Variants in ARHGEF12 observed in about 807,000 individuals in gnomAD.
The protein encoded by ARHGEF12 is KMT2A/ARHGEF12 fusion protein.
A neutral mutation model predicts 211.2 loss-of-function variants in ARHGEF12; 66 were observed. That is an observed-to-expected ratio of 0.31 (90% CI 0.26 to 0.38). The LOEUF is 0.38. Ranked by LOEUF, ARHGEF12 falls within the 10% of genes least tolerant of loss-of-function variation. The probability of loss-of-function intolerance (pLI) is 1.00; values close to 1 mark genes in which losing one functional copy is unlikely to be tolerated. For missense variants in ARHGEF12, 1,429 were observed against 1,869.5 expected (o/e 0.76, Z 4.34); for synonymous variants, 592 against 638.4 (o/e 0.93, Z 1.09).
chr11:120,408,095 G>A (rs1042161417), intron 3 of ARHGEF12: 5 of 285,338 alleles, frequency 1.8e-5, no homozygotes, highest in African/African-American at 1.1e-4. Context: ...ATAATAATTG[G>A]AGATTTGGTC....
At chr11:120,373,925 A>G (rs367802697) in intron 1 of ARHGEF12, among the ~76,000 whole-genome samples, 1 of 152,140 alleles carries the variant, frequency 6.6e-6, no homozygotes, top group Admixed American at 6.5e-5. Context: ...CCCCTGCCTC[A>G]GCTTCCTGAG....
chr11:120,467,152 C>A, intron 28 of ARHGEF12, 42 bp from the exon 29 acceptor site: 2 of 1,298,632 alleles, frequency 1.5e-6, no homozygotes, highest in South Asian at 2.4e-5. Flanking sequence ...TGTATAAGTT[C>A]AAATAAGAAT....
chr11:120,441,825 A>G lies in ARHGEF12; in HGVS notation c.1203+8A>G. On this transcript the variant is annotated splice_region_variant and intron_variant, in intron 14 of 40. Transcript: ENST00000397843. ...TTTGACCCTGCGACTTTGGTAATAT[A>G]TTTTACAATCTAGCAGATTCAGAGT... 6.2e-7 allele frequency: 1 copy of G among 1,609,920 alleles called. No individual in the cohort carries two copies. The highest frequency in any genetic ancestry group is 8.5e-7 in the Non-Finnish European group (1 of 1,176,486).
chr11:120,431,791 C>T lies in ARHGEF12; in HGVS notation c.804C>T (p.Pro268=). The T allele has an allele frequency of 6.2e-7, 1 of 1,612,060 alleles. No homozygotes were observed. Among genetic ancestry groups the T allele is most frequent in the Non-Finnish European group, 8.5e-7 (1 of 1,179,234 alleles). Reference sequence around the variant, plus strand: ...TTTAGGATGGAGCTGTAGTTACACCCTCCAGACCTTTAGGGGACACCCTAA... The same window carrying T: ...TTTAGGATGGAGCTGTAGTTACACCTTCCAGACCTTTAGGGGACACCCTAA... ...GSAQDGAVVT[P]SRPLGDTLTV... The change falls in exon 11 of 41, where the codon CCC becomes CCT. Residue 268 remains proline, a synonymous_variant. Transcript: ENST00000397843.
At position 120,429,711 on chromosome 11, in the gene ARHGEF12, G is replaced by C. The variant is rs1178605038; in HGVS notation, c.664-1G>C. 1 of 1,608,594 alleles carries C rather than the reference G, an allele frequency of 6.2e-7. No homozygotes were observed. Among genetic ancestry groups the C allele is most frequent in the African/African-American group, 1.3e-5 (1 of 74,562 alleles). ...CTGAAAATATTTTTATAACTTTTCAGTTATTGCAGGAAGATTACAACCGAA... is the reference window on the plus strand; with the variant it reads ...CTGAAAATATTTTTATAACTTTTCACTTATTGCAGGAAGATTACAACCGAA... On this transcript the variant is annotated splice_acceptor_variant, in intron 9 of 40. Transcript: ENST00000397843. LOFTEE classifies it high-confidence loss of function.
intron 1 of ARHGEF12, among the ~76,000 whole-genome samples, chr11:120,401,806 C>T (rs922561835): frequency 2.0e-5 from 3 of 152,176 alleles, no homozygotes; most frequent in Non-Finnish European, 4.4e-5. Context: ...TAAATTAAAT[C>T]TGTGGTTTCA....
intron 4 of ARHGEF12, among the ~76,000 whole-genome samples, chr11:120,416,267 AT>A (rs1465453308): frequency 2.6e-5 from 4 of 152,066 alleles, no homozygotes; most frequent in Non-Finnish European, 5.9e-5. Flanking sequence ...TTCATAAGCA[AT>A]TTTTTTAAGT....
intron 20 of ARHGEF12, 66 bp from the exon 21 acceptor site, chr11:120,449,043 A>T (rs773495001): frequency 3.0e-6 from 4 of 1,329,046 alleles, no homozygotes; most frequent in Non-Finnish European, 4.2e-6. Context: ...TTAGCATTAC[A>T]CTATGAAAAT....
intron 8 of ARHGEF12, among the ~76,000 whole-genome samples, chr11:120,428,953 G>A (rs1264955797): frequency 6.6e-6 from 1 of 152,150 alleles, no homozygotes; most frequent in Admixed American, 6.5e-5. Flanking sequence ...TCCATTCAAT[G>A]TTGTTTCTTT....
intron 20 of ARHGEF12, 176 bp downstream of exon 20, chr11:120,448,524 A>T (rs1591605442): frequency 1.7e-6 from 1 of 593,706 alleles, no homozygotes; most frequent in East Asian, 2.8e-5. Context: ...AGAAATCCAG[A>T]CATATAAACT....
intron 1 of ARHGEF12, among the ~76,000 whole-genome samples, chr11:120,349,332 T>A (rs1942863986): frequency 1.3e-5 from 2 of 152,240 alleles, no homozygotes; most frequent in African/African-American, 4.8e-5. Context: ...TATGTAATAG[T>A]AATTATATTA....
At position 120,478,247 on chromosome 11, in the gene ARHGEF12, G is replaced by A; in HGVS notation, c.3624G>A (p.Leu1208=). The A allele has an allele frequency of 6.2e-7, 1 of 1,614,154 alleles. No homozygotes were observed. Among genetic ancestry groups the A allele is most frequent in the Non-Finnish European group, 8.5e-7 (1 of 1,180,024 alleles). Residue 1208 remains leucine, a synonymous_variant, in exon 37 of 41, where the codon CTG becomes CTA. Transcript: ENST00000397843. ...CTGGGAAATCAGAGGTACGTGATCT[G>A]TTTGTGGCTGAGAGACAGTTTGCAA... ...STSGKSEVRD[L]FVAERQFAKE...
chr11:120,477,031 C>T (rs530278294), intron 34 of ARHGEF12, 188 bp from the exon 35 acceptor site: 2 of 617,550 alleles, frequency 3.2e-6, no homozygotes, highest in Non-Finnish European at 2.8e-6. Context: ...TTTGGACTCT[C>T]GCCTTAATAG....
chr11:120,439,648 T>G (rs2135773259), intron 12 of ARHGEF12: 1 of 152,624 alleles, frequency 6.6e-6, no homozygotes, highest in Non-Finnish European at 1.5e-5. Context: ...CTCAGGTATA[T>G]TAGCCTCTCT....
rs746094838 is a variant in ARHGEF12, at chr11:120,479,910, G to A, written c.3767-50G>A. 12 of 1,498,652 alleles carry A rather than the reference G, an allele frequency of 8.0e-6. No homozygotes were observed. The South Asian group carries it at 1.2e-4, about 15-fold the overall frequency. The allele number at this position is 1,498,652 out of a possible 1,614,324, so 92.8% of individuals were successfully genotyped here. ...GCTAATTTAATTCTTGCAGCCTGAG[G>A]TTATAGTTGTGAATATGTTTTTTTT... On this transcript the variant is annotated intron_variant, in intron 37 of 40. Transcript: ENST00000397843.
intron 4 of ARHGEF12, chr11:120,410,776 G>A (rs1944859899): frequency 6.6e-6 from 1 of 152,142 alleles, no homozygotes; most frequent in South Asian, 2.1e-4. Context: ...GACACATCAA[G>A]TTTACGCTTT....
chr11:120,384,895 T>G (rs1348099808), intron 1 of ARHGEF12, among the ~76,000 whole-genome samples: 2 of 142,678 alleles, frequency 1.4e-5, no homozygotes, highest in Admixed American at 7.0e-5. Flanking sequence ...TTTTTTTTTT[T>G]GTAAATCCTA....
chr11:120,431,091 A>C (rs1945513384), intron 10 of ARHGEF12, among the ~76,000 whole-genome samples: 1 of 152,040 alleles, frequency 6.6e-6, no homozygotes, highest in Non-Finnish European at 1.5e-5. Flanking sequence ...GGAGTTTGAG[A>C]CCATCCTGGC....
At chr11:120,432,094 G>A (rs753667202) in intron 11 of ARHGEF12, among the ~76,000 whole-genome samples, 183 bp downstream of exon 11, 15 of 152,130 alleles carry the variant, frequency 9.9e-5, no homozygotes, top group Admixed American at 3.9e-4. Flanking sequence ...TAATTCCAGA[G>A]TTCACTTTTT....
Sources: gnomAD v4.1 joint callset for allele counts (sites outside exome capture counted in the v4.1 genomes callset) on GRCh38, gnomAD v4.1.1 for gene constraint, MANE v1.5 for transcripts, NCBI Gene and HGNC (gene_info 2026-07-23, HGNC 2026-07-21) for gene names.